The following CCL5 variants were observed in gnomAD, a reference collection of about 807,000 sequenced individuals.
CCL5 encodes C-C motif chemokine 5.
A neutral mutation model predicts 9.0 loss-of-function variants in CCL5; 5 were observed. The observed-to-expected ratio is 0.55, with a 90% CI of 0.29 to 1.16. The LOEUF is 1.16. Among genes scored for constraint, CCL5 ranks in the 50% most tolerant of loss-of-function variants. CCL5 has a pLI of 0.08. For synonymous variants in CCL5, 66 were observed against 72.0 expected (o/e 0.92, Z 0.42); for missense variants, 183 against 183.2 (o/e 1.00, Z 0.01).
chr17:35,873,676 T>C (rs2088406306), intron 3 of CCL5, among the ~76,000 whole-genome samples: 1 of 152,224 alleles, frequency 6.6e-6, no homozygotes, highest in Non-Finnish European at 1.5e-5. Context: ...TTTGCTAAGC[T>C]CTGAAATGTA....
At chr17:35,875,362 T>C (rs980357269) in intron 3 of CCL5, among the ~76,000 whole-genome samples, 2 of 152,216 alleles carry the variant, frequency 1.3e-5, no homozygotes, top group Admixed American at 6.5e-5. Context: ...AAGCCTTAGA[T>C]TGTCTGGTGA....
chr17:35,878,803 C>T (rs990786362), intron 1 of CCL5, among the ~76,000 whole-genome samples, 164 bp from the exon 2 acceptor site: 2 of 152,196 alleles, frequency 1.3e-5, no homozygotes, highest in Non-Finnish European at 2.9e-5. Context: ...TAAACAGTGG[C>T]AGAGTGGGGA....
chr17:35,879,318 AG>A (rs1225967411), intron 1 of CCL5, among the ~76,000 whole-genome samples: 1 of 152,118 alleles, frequency 6.6e-6, no homozygotes, highest in Non-Finnish European at 1.5e-5. Context: ...TACTCAAAGA[AG>A]GGTTGTGGGT....
intron 3 of CCL5, chr17:35,875,423 C>G: frequency 1.6e-5 from 3 of 187,876 alleles, no homozygotes; most frequent in Non-Finnish European, 3.0e-5. Flanking sequence ...CAGCCTCACT[C>G]AGAGCCACTT....
At chr17:35,877,269 G>A (rs1172523454) in intron 2 of CCL5, among the ~76,000 whole-genome samples, 3 of 152,148 alleles carry the variant, frequency 2.0e-5, no homozygotes, top group African/African-American at 4.8e-5. Flanking sequence ...CAGCACTTTA[G>A]GAGGCTGAGG....
intron 3 of CCL5, among the ~76,000 whole-genome samples, chr17:35,875,038 T>TA (rs201684766): frequency 0.27 from 39,474 of 148,192 alleles, 6,024 homozygotes; most frequent in African/African-American, 0.43. Context: ...ACTATCACAT[T>TA]AAAAAAAAAA....
chr17:35,879,635 C>CAAAAAA (rs35764706), intron 1 of CCL5, among the ~76,000 whole-genome samples: 8 of 48,628 alleles, frequency 1.6e-4, no homozygotes, highest in East Asian at 4.8e-4. Context: ...GACTCCATCT[C>CAAAAAA]AAAAAAAAAA....
At position 35,872,425 on chromosome 17, in the gene CCL5, T is replaced by C; in HGVS notation, c.310A>G (p.Arg104Gly). Residue 104 changes from arginine to glycine, a missense_variant, in exon 4 of 4, where the codon AGA (arginine) becomes GGA (glycine). Physicochemically the swap from Arg to Gly is moderately radical, Grantham distance 125 (BLOSUM62 -2). Transcript: ENST00000651122. The stretch of plus-strand genomic sequence containing the variant: ...TGTACTCCCGAACCCATTTCTTCTC[T>C]GGGTTGGCACACACTTGGCGGTTCT... The C allele has an allele frequency of 6.2e-7, 1 of 1,614,018 alleles. No homozygotes were observed. The highest frequency in any genetic ancestry group is 8.5e-7 in the Non-Finnish European group (1 of 1,180,002).
chr17:35,873,114 T>C (rs2088394755), intron 3 of CCL5, among the ~76,000 whole-genome samples: 1 of 151,982 alleles, frequency 6.6e-6, no homozygotes, highest in Non-Finnish European at 1.5e-5. Flanking sequence ...GGTCTCAAAC[T>C]CCTAACCTCA....
At chr17:35,874,917 T>G (rs2088422648) in intron 3 of CCL5, among the ~76,000 whole-genome samples, 1 of 152,116 alleles carries the variant, frequency 6.6e-6, no homozygotes, top group Non-Finnish European at 1.5e-5. Flanking sequence ...CAGATAGAAG[T>G]TTATTTTTTA....
At position 35,878,275 on chromosome 17, in the gene CCL5, T is replaced by A. The variant is rs1372260950; in HGVS notation, c.188+253A>T. Reference sequence around the variant, plus strand: ...TCCAGCCTGGGCGACAGAGTGAGACTCTGTCTCAAAAAAAAAAAAAAAAAA... The same window carrying A: ...TCCAGCCTGGGCGACAGAGTGAGACACTGTCTCAAAAAAAAAAAAAAAAAA... On this transcript the variant is annotated intron_variant, in intron 2 of 3. Coordinates refer to ENST00000651122, the MANE Select transcript of CCL5 (RefSeq NM_001278736.2). 2.4e-4 allele frequency among the ~76,000 whole-genome samples: 25 copies of A among 103,088 alleles called. 1 individual carries two copies. The highest frequency in any genetic ancestry group is 4.0e-4 in the Non-Finnish European group (23 of 57,026). 67.6% of individuals were successfully genotyped at this position (103,088 alleles called of 152,430 possible).
At chr17:35,872,992 C>T (rs771754344) in intron 3 of CCL5, among the ~76,000 whole-genome samples, 1 of 151,554 alleles carries the variant, frequency 6.6e-6, no homozygotes, top group Non-Finnish European at 1.5e-5. Flanking sequence ...CGGGTTCAAG[C>T]GGTTCTCCTG....
At chr17:35,873,036 C>T (rs2088393548) in intron 3 of CCL5, among the ~76,000 whole-genome samples, 1 of 151,858 alleles carries the variant, frequency 6.6e-6, no homozygotes, top group Admixed American at 6.6e-5. Context: ...ACTACTGGCG[C>T]CCGCCACCAT....
chr17:35,873,622 T>C (rs1364168224), intron 3 of CCL5, among the ~76,000 whole-genome samples: 1 of 152,228 alleles, frequency 6.6e-6, no homozygotes, highest in African/African-American at 2.4e-5. Context: ...CACCATTTAT[T>C]AGTTTGATCA....
intron 3 of CCL5, among the ~76,000 whole-genome samples, chr17:35,873,123 C>T (rs1020708218): frequency 6.6e-6 from 1 of 151,826 alleles, no homozygotes; most frequent in Non-Finnish European, 1.5e-5. Flanking sequence ...CTCCTAACCT[C>T]AGGTGATCCA....
intron 3 of CCL5, among the ~76,000 whole-genome samples, chr17:35,873,947 C>A (rs1345203097): frequency 2.0e-5 from 3 of 152,072 alleles, no homozygotes; most frequent in African/African-American, 7.2e-5. Flanking sequence ...GAATCAGAGG[C>A]CTTATCTCTA....
At chr17:35,874,560 C>T (rs953875693) in intron 3 of CCL5, among the ~76,000 whole-genome samples, 2 of 152,168 alleles carry the variant, frequency 1.3e-5, no homozygotes, top group Non-Finnish European at 2.9e-5. Context: ...CTCAATCTCC[C>T]TAAAATGCTG....
intron 1 of CCL5, among the ~76,000 whole-genome samples, chr17:35,879,528 C>T (rs950785799): frequency 6.6e-6 from 1 of 150,904 alleles, no homozygotes; most frequent in East Asian, 2.0e-4. Flanking sequence ...CCCGCTACTC[C>T]GGAGGCTGAG....
chr17:35,873,479 G>A (rs192627306), intron 3 of CCL5, among the ~76,000 whole-genome samples: 3 of 152,320 alleles, frequency 2.0e-5, no homozygotes, highest in East Asian at 3.9e-4. Context: ...GAGCCACCGC[G>A]CCTGGCCGAG....
Sources: gnomAD v4.1 joint callset for allele counts (sites outside exome capture counted in the v4.1 genomes callset) on GRCh38, gnomAD v4.1.1 for gene constraint, MANE v1.5 for transcripts, NCBI Gene and HGNC (gene_info 2026-07-23, HGNC 2026-07-21) for gene names.